Variants in SLC16A10 observed in about 807,000 individuals in gnomAD.
SLC16A10 encodes monocarboxylate transporter 10.
SLC16A10 carries 27 observed loss-of-function variants against 40.0 expected under a neutral mutation model. That is an observed-to-expected ratio of 0.67 (90% CI 0.50 to 0.93). The LOEUF (loss-of-function observed/expected upper bound fraction) is 0.93, where lower values mean the gene tolerates loss of function less well. Ranked by LOEUF, SLC16A10 falls within the 40% of genes least tolerant of loss-of-function variation. The pLI is 0.00. For missense variants in SLC16A10, 529 were observed against 658.2 expected (o/e 0.80, Z 2.15); for synonymous variants, 213 against 249.8 (o/e 0.85, Z 1.39).
chr6:111,101,808 A>ACAGGG (rs2114442772), intron 1 of SLC16A10, among the ~76,000 whole-genome samples: 1 of 152,236 alleles, frequency 6.6e-6, no homozygotes, highest in South Asian at 2.1e-4. Context: ...CTTAGTAGAG[A>ACAGGG]CAGGGTTTCG....
intron 1 of SLC16A10, among the ~76,000 whole-genome samples, chr6:111,144,240 G>T (rs939915365): frequency 2.6e-5 from 4 of 152,080 alleles, no homozygotes; most frequent in African/African-American, 9.7e-5. Flanking sequence ...GTCTCTCTCT[G>T]TCCCCCAGGC....
At chr6:111,089,928 T>TG (rs1173999238) in intron 1 of SLC16A10, among the ~76,000 whole-genome samples, 12 of 119,020 alleles carry the variant, frequency 1.0e-4, no homozygotes, top group African/African-American at 3.9e-4. Flanking sequence ...TTTTTTTTTT[T>TG]TTTTTTTTTT....
chr6:111,089,812 T>C (rs1770940367), intron 1 of SLC16A10, among the ~76,000 whole-genome samples: 1 of 151,962 alleles, frequency 6.6e-6, no homozygotes, highest in South Asian at 2.1e-4. Flanking sequence ...TGCCTGGGAT[T>C]ACAGATTTTT....
Position 111,087,739 on chromosome 6 carries a change from G to T in SLC16A10, c.-14G>T. On this transcript the variant is annotated 5_prime_UTR_variant, in exon 1 of 6. Coordinates refer to ENST00000368851, the MANE Select transcript of SLC16A10 (RefSeq NM_018593.5). ...CTCGCGCTTCTCCGGCGCCTGAGGGGCCCGCCTCGGGCCATGGTGCTCTCC... is the reference window on the plus strand; with the variant it reads ...CTCGCGCTTCTCCGGCGCCTGAGGGTCCCGCCTCGGGCCATGGTGCTCTCC... 1 of 1,200,926 alleles carries T rather than the reference G, an allele frequency of 8.3e-7. No homozygotes were observed. Among genetic ancestry groups the T allele is most frequent in the Non-Finnish European group, 1.0e-6 (1 of 967,172 alleles). 74.4% of individuals were successfully genotyped at this position (1,200,926 alleles called of 1,614,324 possible). A position where few individuals can be genotyped will look rare whatever the true frequency, so the allele number is the denominator to read the frequency against.
chr6:111,110,349 T>TG (rs1771364008), intron 1 of SLC16A10, among the ~76,000 whole-genome samples: 1 of 146,786 alleles, frequency 6.8e-6, no homozygotes. Flanking sequence ...GGGTAACAAT[T>TG]TTTTTTTTTT....
chr6:111,162,151 A>T (rs1019594242), intron 1 of SLC16A10, among the ~76,000 whole-genome samples: 21 of 152,222 alleles, frequency 1.4e-4, no homozygotes, highest in African/African-American at 5.1e-4. Context: ...TCATGATAGG[A>T]CTGAGTCATT....
intron 1 of SLC16A10, 38 bp downstream of exon 1, chr6:111,088,133 C>G: frequency 4.4e-6 from 7 of 1,575,730 alleles, no homozygotes; most frequent in Non-Finnish European, 6.0e-6. Context: ...CCTGGGCGAC[C>G]CGCGTGGGGC....
chr6:111,121,303 G>A (rs559677026), intron 1 of SLC16A10, among the ~76,000 whole-genome samples: 1 of 152,274 alleles, frequency 6.6e-6, no homozygotes, highest in South Asian at 2.1e-4. Context: ...GGCTCACACC[G>A]GTAATCCCGG....
Position 111,121,818 on chromosome 6 carries a change from A to C in SLC16A10, c.343+33723A>C, listed in dbSNP as rs561281599. Among the ~76,000 whole-genome samples the C allele has an allele frequency of 2.6e-5, 4 of 152,246 alleles. No individual in the cohort carries two copies. In the South Asian group the frequency reaches 8.3e-4, roughly 32 times the overall value. On this transcript the variant is annotated intron_variant, in intron 1 of 5. Transcript: ENST00000368851. ...CTTGGCTTAATGCTCTGCTGTCAGC[A>C]TCTTGAAAATTTTTAATAATTTTAT...
At chr6:111,218,485 A>G (rs1171141151) in intron 4 of SLC16A10, among the ~76,000 whole-genome samples, 2 of 152,198 alleles carry the variant, frequency 1.3e-5, no homozygotes, top group South Asian at 2.1e-4. Flanking sequence ...AGGCTTAGGC[A>G]GAAGAATTGC....
intron 3 of SLC16A10, chr6:111,178,479 C>T: frequency 1.9e-6 from 1 of 527,668 alleles, no homozygotes; most frequent in Non-Finnish European, 3.9e-6. Flanking sequence ...CCTGTAATCC[C>T]ACCACTTTGG....
chr6:111,172,987 T>C, intron 2 of SLC16A10, 148 bp downstream of exon 2: 1 of 1,004,538 alleles, frequency 1.0e-6, no homozygotes. Context: ...CAAACTGTTA[T>C]CCATAGCAGC....
intron 1 of SLC16A10, among the ~76,000 whole-genome samples, chr6:111,162,903 T>C (rs1772395755): frequency 6.6e-6 from 1 of 152,038 alleles, no homozygotes; most frequent in Non-Finnish European, 1.5e-5. Flanking sequence ...CATGAACATT[T>C]CAGCTCTTCA....
intron 1 of SLC16A10, among the ~76,000 whole-genome samples, chr6:111,104,132 T>C (rs554866428): frequency 2.0e-5 from 3 of 152,090 alleles, no homozygotes; most frequent in Admixed American, 2.0e-4. Context: ...CAAAGAATGG[T>C]GGAGCTGGGG....
chr6:111,120,088 C>CA (rs1771557445), intron 1 of SLC16A10, among the ~76,000 whole-genome samples: 1 of 152,100 alleles, frequency 6.6e-6, no homozygotes, highest in South Asian at 2.1e-4. Context: ...ATCCATTTCC[C>CA]AAAAAAGAGA....
At position 111,173,639 on chromosome 6, in the gene SLC16A10, A is replaced by C. The variant is rs183830704; in HGVS notation, c.488+800A>C. 100 of 152,192 alleles carry C rather than the reference A, an allele frequency of 6.6e-4. 1 individual carries two copies. Among genetic ancestry groups the C allele is most frequent in the African/African-American group, 2.4e-3 (99 of 41,486 alleles). 9.4% of individuals were successfully genotyped at this position (152,192 alleles called of 1,614,324 possible). A position where few individuals can be genotyped will look rare whatever the true frequency, so the allele number is the denominator to read the frequency against. On this transcript the variant is annotated intron_variant, in intron 2 of 5. Transcript: ENST00000368851. ...AGCATTAGATTCTTCTAGGAGTGCA[A>C]ACCCTATTGTGAACTGTACATATGA...
At chr6:111,163,296 GCGCCCGCCACTA>G (rs1331353142) in intron 1 of SLC16A10, among the ~76,000 whole-genome samples, 1 of 149,812 alleles carries the variant, frequency 6.7e-6, no homozygotes, top group Non-Finnish European at 1.5e-5. Flanking sequence ...GGGACTACAG[GCGCCCGCCACTA>G]CGCCCGGCTA....
At chr6:111,131,660 G>T (rs538575457) in intron 1 of SLC16A10, among the ~76,000 whole-genome samples, 4 of 152,300 alleles carry the variant, frequency 2.6e-5, no homozygotes, top group African/African-American at 4.8e-5. Flanking sequence ...GGGAAGGGCT[G>T]TCTAACAGCC....
intron 1 of SLC16A10, among the ~76,000 whole-genome samples, chr6:111,144,266 C>G (rs191751261): frequency 6.6e-6 from 1 of 152,092 alleles, no homozygotes; most frequent in Non-Finnish European, 1.5e-5. Flanking sequence ...TGCAGTGGCA[C>G]GATTTCGGCT....
Sources: gnomAD v4.1 joint callset for allele counts (sites outside exome capture counted in the v4.1 genomes callset) on GRCh38, gnomAD v4.1.1 for gene constraint, MANE v1.5 for transcripts, NCBI Gene and HGNC (gene_info 2026-07-23, HGNC 2026-07-21) for gene names.